Variants in LARGE1 observed in about 807,000 individuals in gnomAD.
LARGE1 encodes the protein LARGE xylosyl- and glucuronyltransferase 1.
In LARGE1, 43 loss-of-function variants were observed where a neutral mutation model predicts 87.6. The ratio of observed to expected loss-of-function variants is 0.49; its 90% CI spans 0.38 to 0.63. The LOEUF is 0.63. Ranked by LOEUF, LARGE1 falls within the 30% of genes least tolerant of loss-of-function variation. LARGE1 has a pLI of 0.00. For synonymous variants in LARGE1, 434 were observed against 394.6 expected (o/e 1.10, Z -1.18); for missense variants, 802 against 1,000.2 (o/e 0.80, Z 2.67).
intron 7 of LARGE1, among the ~76,000 whole-genome samples, chr22:33,392,144 G>A (rs912352515): frequency 2.6e-4 from 35 of 132,424 alleles, no homozygotes; most frequent in African/African-American, 1.2e-3. Context: ...GGGAACACAC[G>A]CTTCTTCTTT....
intron 3 of LARGE1, among the ~76,000 whole-genome samples, chr22:33,632,214 C>A (rs755373861): frequency 6.6e-6 from 1 of 152,172 alleles, no homozygotes; most frequent in Admixed American, 6.5e-5. Flanking sequence ...CCTCCGTGTC[C>A]CAGGTTCAAG....
chr22:33,342,758 C>T (rs1396176173), intron 9 of LARGE1, among the ~76,000 whole-genome samples: 1 of 152,144 alleles, frequency 6.6e-6, no homozygotes, highest in Non-Finnish European at 1.5e-5. Flanking sequence ...GTATTCACTA[C>T]AGGCAAGTGC....
Position 33,751,449 on chromosome 22 carries a change from C to T in LARGE1, c.106+9922G>A, listed in dbSNP as rs139591578. Among the ~76,000 whole-genome samples, 648 of 151,318 alleles carry T rather than the reference C, an allele frequency of 4.3e-3. 7 individuals are homozygous for T. Among genetic ancestry groups the T allele is most frequent in the East Asian group, 9.6e-3 (49 of 5,126 alleles). The stretch of plus-strand genomic sequence containing the variant: ...TCAGTGAGCAAAGATTGTGCCACTG[C>T]GCTCCAGCCTGGGAGACAGATTGAG... On this transcript the variant is annotated intron_variant, in intron 2 of 14. Coordinates refer to ENST00000397394, the MANE Select transcript of LARGE1 (RefSeq NM_133642.5).
At chr22:33,690,604 G>A (rs2082072141) in intron 2 of LARGE1, among the ~76,000 whole-genome samples, 1 of 151,932 alleles carries the variant, frequency 6.6e-6, no homozygotes, top group South Asian at 2.1e-4. Context: ...GAAAAGAAAG[G>A]GAGAAGGACC....
intron 2 of LARGE1, among the ~76,000 whole-genome samples, chr22:33,651,634 A>G (rs571779289): frequency 4.3e-4 from 65 of 152,316 alleles, no homozygotes; most frequent in Non-Finnish European, 7.8e-4. Flanking sequence ...AATGTTGCCT[A>G]TGAAGACTGG....
At chr22:33,877,944 T>A (rs1209947397) in intron 1 of LARGE1, among the ~76,000 whole-genome samples, 5 of 151,220 alleles carry the variant, frequency 3.3e-5, no homozygotes, top group African/African-American at 7.3e-5. Flanking sequence ...ATAATAATAA[T>A]AAAATACATA....
At chr22:33,367,122 A>ATT (rs59743659) in intron 9 of LARGE1, among the ~76,000 whole-genome samples, 1 of 149,608 alleles carries the variant, frequency 6.7e-6, no homozygotes, top group Non-Finnish European at 1.5e-5. Context: ...ACAGTATTCT[A>ATT]TTTTTTTTTT....
chr22:33,703,693 G>A (rs2082469502), intron 2 of LARGE1, among the ~76,000 whole-genome samples: 2 of 152,356 alleles, frequency 1.3e-5, no homozygotes, highest in South Asian at 4.1e-4. Flanking sequence ...GCAGGTGGCT[G>A]CTAGAAGCTG....
chr22:33,490,187 T>G (rs1462635150), intron 6 of LARGE1, among the ~76,000 whole-genome samples: 1 of 152,230 alleles, frequency 6.6e-6, no homozygotes, highest in Non-Finnish European at 1.5e-5. Context: ...ATTTATATAT[T>G]CGGGTAAGTT....
At chr22:33,106,489 A>G in the LARGE1 span, among the ~76,000 whole-genome samples, 2 of 147,746 alleles carry the variant, frequency 1.4e-5, no homozygotes, top group Admixed American at 6.8e-5. Context: ...AGTTTTCGCC[A>G]TTCCTTTTTT....
At chr22:33,121,414 G>A in the LARGE1 span, among the ~76,000 whole-genome samples, 1 of 152,214 alleles carries the variant, frequency 6.6e-6, no homozygotes, top group African/African-American at 2.4e-5. Flanking sequence ...CCTGTTGTGA[G>A]GTTCTGTCCC....
chr22:33,708,339 G>C (rs778430404), intron 2 of LARGE1, among the ~76,000 whole-genome samples: 57 of 152,146 alleles, frequency 3.7e-4, no homozygotes, highest in Non-Finnish European at 5.9e-4. Flanking sequence ...AGACGCTCTG[G>C]AAGGGGGTTG....
At chr22:33,778,472 C>T (rs1012693746) in intron 1 of LARGE1, among the ~76,000 whole-genome samples, 15 of 152,186 alleles carry the variant, frequency 9.9e-5, no homozygotes, top group Non-Finnish European at 1.3e-4. Flanking sequence ...CCAGTCACCT[C>T]CCATTTTCCC....
chr22:33,306,343 T>A (rs1934928553), intron 11 of LARGE1, among the ~76,000 whole-genome samples: 1 of 152,168 alleles, frequency 6.6e-6, no homozygotes, highest in Admixed American at 6.5e-5. Flanking sequence ...GTACAACTCC[T>A]CTGAGAATTG....
chr22:33,868,393 C>T (rs142927986), intron 1 of LARGE1, among the ~76,000 whole-genome samples: 3 of 152,234 alleles, frequency 2.0e-5, no homozygotes, highest in East Asian at 1.9e-4. Flanking sequence ...CACTTCGAGA[C>T]GAGATGATGT....
intron 2 of LARGE1, among the ~76,000 whole-genome samples, chr22:33,679,077 G>C (rs2081667013): frequency 1.3e-5 from 2 of 152,246 alleles, no homozygotes; most frequent in South Asian, 4.1e-4. Context: ...AATATTTTTT[G>C]TTTAATATCT....
At chr22:33,870,485 C>A (rs1345604657) in intron 1 of LARGE1, among the ~76,000 whole-genome samples, 1 of 152,146 alleles carries the variant, frequency 6.6e-6, no homozygotes, top group Non-Finnish European at 1.5e-5. Flanking sequence ...AACATGGTAC[C>A]AAGTGCTTTA....
At chr22:33,588,870 A>G (rs184171069) in intron 5 of LARGE1, among the ~76,000 whole-genome samples, 9 of 152,342 alleles carry the variant, frequency 5.9e-5, no homozygotes, top group Admixed American at 3.9e-4. Context: ...GATGACTACT[A>G]AAGTGGGGGT....
chr22:33,545,040 C>G (rs1019318849), intron 6 of LARGE1, among the ~76,000 whole-genome samples: 5 of 152,154 alleles, frequency 3.3e-5, no homozygotes, highest in Non-Finnish European at 7.4e-5. Flanking sequence ...CAGTAGAACA[C>G]AAACACAGTA....
Sources: gnomAD v4.1 joint callset for allele counts (sites outside exome capture counted in the v4.1 genomes callset) on GRCh38, gnomAD v4.1.1 for gene constraint, MANE v1.5 for transcripts, NCBI Gene and HGNC (gene_info 2026-07-23, HGNC 2026-07-21) for gene names.